Variants in SNX4 observed in about 807,000 individuals in gnomAD.
SNX4 encodes sorting nexin 4.
In SNX4, 49 loss-of-function variants were observed where a neutral mutation model predicts 70.8. The observed-to-expected ratio is 0.69, with a 90% CI of 0.55 to 0.88. SNX4 has a LOEUF of 0.88. Among genes scored for constraint, SNX4 ranks in the 40% least tolerant of loss-of-function variants. The pLI is 0.00. For synonymous variants in SNX4, 206 were observed against 183.8 expected (o/e 1.12, Z -0.98); for missense variants, 528 against 544.8 (o/e 0.97, Z 0.31).
chr3:125,450,456 TTA>T lies in SNX4; in HGVS notation c.1305+847_1305+848del, dbSNP rs1014440644. Among the ~76,000 whole-genome samples, 8 of 152,206 alleles carry T rather than the reference TTA, an allele frequency of 5.3e-5. 1 individual carries two copies. The highest frequency in any genetic ancestry group is 2.0e-4 in the Admixed American group (3 of 15,276). On this transcript the variant is annotated intron_variant, in intron 13 of 13. Transcript: ENST00000251775. The stretch of plus-strand genomic sequence containing the variant: ...TAAAGCATAAGAATTGTATATATAT[TTA>T]TATGAGTGTGATTTTGCCCTATAAA...
At chr3:125,491,097 T>C (rs78279959) in intron 5 of SNX4, among the ~76,000 whole-genome samples, 4,274 of 152,304 alleles carry the variant, frequency 0.028, 178 homozygotes, top group African/African-American at 0.097. Context: ...TTTAAAGGGC[T>C]ATCTAAAGAA....
chr3:125,487,686 T>C (rs1454118285), intron 6 of SNX4, among the ~76,000 whole-genome samples: 1 of 150,988 alleles, frequency 6.6e-6, no homozygotes, highest in African/African-American at 2.4e-5. Flanking sequence ...AAAACCTCAA[T>C]GGAACCATAG....
intron 1 of SNX4, among the ~76,000 whole-genome samples, chr3:125,507,398 C>T (rs903933475): frequency 2.0e-5 from 3 of 151,920 alleles, no homozygotes; most frequent in African/African-American, 4.8e-5. Flanking sequence ...GCTTAAGGGA[C>T]ATGCAGGACA....
chr3:125,520,174 G>T lies in SNX4; in HGVS notation c.-2C>A. 1 of 1,373,958 alleles carries T rather than the reference G, an allele frequency of 7.3e-7. No homozygotes were observed. Among genetic ancestry groups the T allele is most frequent in the Non-Finnish European group, 9.4e-7 (1 of 1,066,316 alleles). 85.1% of individuals were successfully genotyped at this position (1,373,958 alleles called of 1,614,324 possible). ...GGGGTCCGGAGGTGCCTGCTCCATG[G>T]CTGCAGTTCGGCGCGGCGAACCCAG... On this transcript the variant is annotated 5_prime_UTR_variant, in exon 1 of 14. Transcript: ENST00000251775.
At chr3:125,453,263 G>A (rs975692998) in intron 12 of SNX4, among the ~76,000 whole-genome samples, 3 of 152,030 alleles carry the variant, frequency 2.0e-5, no homozygotes, top group African/African-American at 7.2e-5. Flanking sequence ...ATACCATACT[G>A]GCATGAATTA....
intron 13 of SNX4, 88 bp from the exon 14 acceptor site, chr3:125,447,914 C>A: frequency 1.3e-6 from 1 of 781,692 alleles, no homozygotes; most frequent in Non-Finnish European, 2.1e-6. Flanking sequence ...CTAAGTTTTG[C>A]TTTTTGGAAT....
At chr3:125,456,992 G>A (rs565622874) in intron 11 of SNX4, among the ~76,000 whole-genome samples, 2 of 151,626 alleles carry the variant, frequency 1.3e-5, no homozygotes, top group African/African-American at 4.8e-5. Context: ...AAACGAAACC[G>A]GATGATACTG....
At chr3:125,458,660 C>CA (rs981212954) in intron 10 of SNX4, among the ~76,000 whole-genome samples, 2 of 150,478 alleles carry the variant, frequency 1.3e-5, no homozygotes, top group Non-Finnish European at 1.5e-5. Flanking sequence ...ACTAAAAATA[C>CA]AAAAAAAGCC....
chr3:125,495,275 T>TATATATACAC lies in SNX4; in HGVS notation c.597+2065_597+2066insGTGTATATAT. Among the ~76,000 whole-genome samples, 173 of 83,038 alleles carry TATATATACAC rather than the reference T, an allele frequency of 2.1e-3. 7 individuals carry two copies. Among genetic ancestry groups the TATATATACAC allele is most frequent in the African/African-American group, 5.9e-3 (163 of 27,568 alleles). The allele number at this position is 83,038 out of a possible 152,430, so 54.5% of individuals were successfully genotyped here. On this transcript the variant is annotated intron_variant, in intron 5 of 13. Transcript: ENST00000251775. ...TTATATATATATATATATATATATA[T>TATATATACAC]ATACACATACACACACACACACGTA...
chr3:125,487,519 T>C (rs889043207), intron 6 of SNX4, among the ~76,000 whole-genome samples: 10 of 152,236 alleles, frequency 6.6e-5, no homozygotes, highest in Middle Eastern at 3.4e-3. Context: ...TATCAAAATA[T>C]CAATCAAAAA....
chr3:125,451,145 CAAAAT>C (rs1005812696), intron 13 of SNX4, among the ~76,000 whole-genome samples, 155 bp downstream of exon 13: 27 of 151,928 alleles, frequency 1.8e-4, no homozygotes, highest in African/African-American at 3.4e-4. Context: ...AAAACCAAAA[CAAAAT>C]AAAACAGAAA....
At chr3:125,455,038 C>T (rs886635762) in intron 11 of SNX4, among the ~76,000 whole-genome samples, 1 of 152,048 alleles carries the variant, frequency 6.6e-6, no homozygotes, top group Non-Finnish European at 1.5e-5. Context: ...AAGTGATCCT[C>T]CCACCTCTGC....
intron 1 of SNX4, among the ~76,000 whole-genome samples, chr3:125,509,050 A>G (rs1376255056): frequency 6.6e-6 from 1 of 152,082 alleles, no homozygotes; most frequent in East Asian, 1.9e-4. Context: ...CAATATTAAC[A>G]GGCCAGGCGT....
At chr3:125,519,943 GGCCCGGCCCA>G (rs1224942937) in intron 1 of SNX4, 79 bp downstream of exon 1, 23 of 1,010,990 alleles carry the variant, frequency 2.3e-5, no homozygotes, top group South Asian at 6.0e-5. Flanking sequence ...CCACTGGCCC[GGCCCGGCCCA>G]GCCCAGCCCA....
chr3:125,464,763 G>A (rs941042457), intron 9 of SNX4, among the ~76,000 whole-genome samples: 3 of 151,700 alleles, frequency 2.0e-5, no homozygotes, highest in Admixed American at 2.0e-4. Context: ...GTTTTTTTGA[G>A]ACAAAGTCTT....
At chr3:125,489,561 G>A (rs1363743365) in intron 5 of SNX4, 98 bp from the exon 6 acceptor site, 2 of 895,136 alleles carry the variant, frequency 2.2e-6, no homozygotes, top group African/African-American at 1.7e-5. Flanking sequence ...CTCAAGTACA[G>A]TTTTCTTCAT....
chr3:125,452,397 C>T (rs1933598174), intron 12 of SNX4, among the ~76,000 whole-genome samples: 1 of 151,978 alleles, frequency 6.6e-6, no homozygotes, highest in Admixed American at 6.6e-5. Context: ...CGGCCAGCTG[C>T]ATGTACTTGT....
intron 1 of SNX4, among the ~76,000 whole-genome samples, chr3:125,506,717 G>T (rs112613750): frequency 2.7e-5 from 4 of 147,304 alleles, no homozygotes; most frequent in African/African-American, 1.0e-4. Context: ...CTTCCAAGCT[G>T]CTGGCATTAC....
intron 9 of SNX4, among the ~76,000 whole-genome samples, chr3:125,465,529 G>A (rs1933989264): frequency 1.3e-5 from 2 of 152,148 alleles, no homozygotes; most frequent in South Asian, 2.1e-4. Flanking sequence ...GATTACAGGT[G>A]TGATACACTG....
Sources: gnomAD v4.1 joint callset for allele counts (sites outside exome capture counted in the v4.1 genomes callset) on GRCh38, gnomAD v4.1.1 for gene constraint, MANE v1.5 for transcripts, NCBI Gene and HGNC (gene_info 2026-07-23, HGNC 2026-07-21) for gene names.